The following KCTD10 variants were observed in gnomAD, a reference collection of about 807,000 sequenced individuals.
KCTD10 encodes potassium channel tetramerization domain containing 10, also known as BTB/POZ domain-containing adapter for CUL3-mediated RhoA degradation protein 3.
A neutral mutation model predicts 34.6 loss-of-function variants in KCTD10; 13 were observed. The observed-to-expected ratio is 0.38, with a 90% CI of 0.24 to 0.60. The LOEUF is 0.60. Ranked by LOEUF, KCTD10 falls within the 20% of genes least tolerant of loss-of-function variation. The pLI, the probability that KCTD10 is intolerant of heterozygous loss-of-function variation, is 0.66. For synonymous variants in KCTD10, 156 were observed against 168.8 expected, an observed-to-expected ratio of 0.92 and a Z score of 0.59; for missense variants, 256 against 420.3, an observed-to-expected ratio of 0.61 and a Z score of 3.42.
Position 109,458,096 on chromosome 12 carries a change from G to A in KCTD10, c.388-18C>T, listed in dbSNP as rs774311462. The A allele has an allele frequency of 1.2e-6, 2 of 1,606,752 alleles. No individual in the cohort carries two copies. The highest frequency in any genetic ancestry group is 1.1e-5 in the South Asian group (1 of 90,924). ...TCTTTGTTCTGCTGGAACAAAACAT[G>A]CTTTCAGCCTAGGAGGCCTGCCTAG... On this transcript the variant is annotated intron_variant, in intron 3 of 6. Coordinates refer to ENST00000228495, the MANE Select transcript of KCTD10 (RefSeq NM_031954.5).
intron 1 of KCTD10, chr12:109,470,976 A>G: frequency 3.3e-6 from 1 of 304,386 alleles, no homozygotes; most frequent in Non-Finnish European, 4.8e-6. Flanking sequence ...ACCCAACACA[A>G]GCCCACAGCC....
chr12:109,469,935 G>T, intron 1 of KCTD10: 1 of 1,262,024 alleles, frequency 7.9e-7, no homozygotes, highest in Non-Finnish European at 1.1e-6. Flanking sequence ...AACTGGGCTA[G>T]CAGGGGAACA....
At chr12:109,470,297 T>A (rs1053235991) in intron 1 of KCTD10, 3 of 985,426 alleles carry the variant, frequency 3.0e-6, no homozygotes, top group Non-Finnish European at 3.6e-6. Context: ...TATCACTTCC[T>A]GTAGGGAGAA....
intron 5 of KCTD10, chr12:109,456,604 C>T (rs2135645546): frequency 4.5e-6 from 2 of 440,238 alleles, no homozygotes; most frequent in Non-Finnish European, 8.5e-6. Flanking sequence ...GCTTGAGTGA[C>T]AGCCTCTGGG....
intron 5 of KCTD10, 96 bp from the exon 6 acceptor site, chr12:109,456,409 T>C: frequency 1.0e-6 from 1 of 983,080 alleles, no homozygotes; most frequent in Non-Finnish European, 1.6e-6. Context: ...GAGCCCACTT[T>C]CTCCACTACC....
At chr12:109,467,120 C>T (rs1476373079) in intron 2 of KCTD10, among the ~76,000 whole-genome samples, 1 of 152,264 alleles carries the variant, frequency 6.6e-6, no homozygotes, top group South Asian at 2.1e-4. Context: ...GGATGCCACA[C>T]TCAAATGATC....
chr12:109,460,767 T>C lies in KCTD10; in HGVS notation c.256A>G (p.Thr86Ala). ...CCGTCTCGAAGGTAGTTGAGTATCG[T>C]ACCAAAGTGCTTCCCACAGCGGTCA... The part of the protein sequence containing the change: ...LIDRCGKHFG[T>A]ILNYLRDGAV... Residue 86 changes from threonine (T) to alanine (A), a missense_variant, in exon 3 of 7, where the codon ACG becomes GCG. Thr to Ala is a moderately conservative substitution (Grantham distance 58). Coordinates refer to ENST00000228495, the MANE Select transcript of KCTD10 (RefSeq NM_031954.5). This position sits in a 1 kb window ranked among gnomAD's most constrained non-coding sequence, Gnocchi z 4.5. 1 of 1,614,164 alleles carries C rather than the reference T, an allele frequency of 6.2e-7. No homozygotes were observed. The highest frequency in any genetic ancestry group is 8.5e-7 in the Non-Finnish European group (1 of 1,180,010).
At chr12:109,469,838 G>A in intron 1 of KCTD10, 110 bp from the exon 2 acceptor site, 1 of 1,481,746 alleles carries the variant, frequency 6.7e-7, no homozygotes, top group South Asian at 1.4e-5. Context: ...CGCATACACA[G>A]CATTTAAAAG....
intron 5 of KCTD10, 84 bp downstream of exon 5, chr12:109,457,546 A>C: frequency 3.5e-6 from 4 of 1,151,092 alleles, no homozygotes; most frequent in South Asian, 1.2e-5. Context: ...CCTCATCTGA[A>C]GGTACGAAGA....
intron 6 of KCTD10, among the ~76,000 whole-genome samples, chr12:109,452,731 C>T (rs1405420332): frequency 6.6e-6 from 1 of 152,144 alleles, no homozygotes; most frequent in Non-Finnish European, 1.5e-5. Flanking sequence ...CTGATGCAGC[C>T]TGAAACCCTG....
In KCTD10 at chr12:109,450,677, A is replaced by G. The variant is rs73194269; in HGVS notation, c.*918T>C. 18,457 of 270,076 alleles carry G rather than the reference A, an allele frequency of 0.068. 750 individuals are homozygous for G. The highest frequency in any genetic ancestry group is 0.094 in the African/African-American group (4,272 of 45,426). The allele number at this position is 270,076 out of a possible 1,614,324, so 16.7% of individuals were successfully genotyped here. A position where few individuals can be genotyped will look rare whatever the true frequency, so the allele number is the denominator to read the frequency against. ...AGTTAGCCCAGCTTCATGGGGAAGG[A>G]GGCTGAAGAGGAGCGGGATCCCAGG... On this transcript the variant is annotated 3_prime_UTR_variant, in exon 7 of 7. Coordinates refer to ENST00000228495, the MANE Select transcript of KCTD10 (RefSeq NM_031954.5).
intron 1 of KCTD10, among the ~76,000 whole-genome samples, chr12:109,473,927 A>G (rs1874021446): frequency 6.6e-6 from 1 of 152,072 alleles, no homozygotes; most frequent in Admixed American, 6.5e-5. Flanking sequence ...GATTACAGGC[A>G]TGCACCACCA....
In KCTD10 at chr12:109,469,742, G is replaced by C; in HGVS notation, c.4-14C>G. 1 of 1,613,830 alleles carries C rather than the reference G, an allele frequency of 6.2e-7. No individual in the cohort carries two copies. The highest frequency in any genetic ancestry group is 8.5e-7 in the Non-Finnish European group (1 of 1,179,834). ...TGACATCTCTTCCTGCCAGTGGAGA[G>C]GATACAGGGTCATGACATCAGGCCT... On this transcript the variant is annotated splice_polypyrimidine_tract_variant and intron_variant, in intron 1 of 6. Transcript: ENST00000228495.
Position 109,460,380 on chromosome 12 carries a change from G to T in KCTD10, c.387+256C>A. Reference sequence around the variant, plus strand: ...CACACCGCGGGGTTCTCTGCTGAAGGGTTGAGATGTACACATGAGAAGATC... The same window carrying T: ...CACACCGCGGGGTTCTCTGCTGAAGTGTTGAGATGTACACATGAGAAGATC... On this transcript the variant is annotated intron_variant, in intron 3 of 6. Transcript: ENST00000228495. The surrounding 1 kb of genome is among the most constrained non-coding windows in gnomAD (Gnocchi z 4.5). 4.3e-6 allele frequency: 2 copies of T among 469,852 alleles called. No individual in the cohort carries two copies. The highest frequency in any genetic ancestry group is 7.7e-6 in the Non-Finnish European group (2 of 259,666). The allele number at this position is 469,852 out of a possible 1,614,324, so 29.1% of individuals were successfully genotyped here. A position where few individuals can be genotyped will look rare whatever the true frequency, so the allele number is the denominator to read the frequency against.
chr12:109,471,131 C>T, intron 1 of KCTD10: 1 of 985,440 alleles, frequency 1.0e-6, no homozygotes, highest in South Asian at 4.7e-5. Flanking sequence ...TTCCCTGAAA[C>T]TGAAAAAGAA....
At chr12:109,457,933 G>A in intron 4 of KCTD10, 59 bp downstream of exon 4, 3 of 1,384,424 alleles carry the variant, frequency 2.2e-6, no homozygotes, top group Non-Finnish European at 3.1e-6. Flanking sequence ...AAGTTATTCA[G>A]AAGAACCTCC....
At chr12:109,468,893 C>T (rs2135675909) in intron 2 of KCTD10, among the ~76,000 whole-genome samples, 1 of 152,220 alleles carries the variant, frequency 6.6e-6, no homozygotes, top group African/African-American at 2.4e-5. Context: ...ACCTCGTGAT[C>T]CGCCCGCCTC....
At position 109,450,764 on chromosome 12, in the gene KCTD10, G is replaced by C. The variant is rs185247574; in HGVS notation, c.*831C>G. ...AGATGGCCTTCCTGGAGTGGAGTCGGGTCAATCAGGAGAACAACTGGACGG... is the reference window on the plus strand; with the variant it reads ...AGATGGCCTTCCTGGAGTGGAGTCGCGTCAATCAGGAGAACAACTGGACGG... On this transcript the variant is annotated 3_prime_UTR_variant, in exon 7 of 7. Coordinates refer to ENST00000228495, the MANE Select transcript of KCTD10 (RefSeq NM_031954.5). 2.6e-3 allele frequency: 427 copies of C among 165,716 alleles called. 4 individuals are homozygous for C. The highest frequency in any genetic ancestry group is 9.8e-3 in the African/African-American group (414 of 42,120). The allele number at this position is 165,716 out of a possible 1,614,324, so 10.3% of individuals were successfully genotyped here. A position where few individuals can be genotyped will look rare whatever the true frequency, so the allele number is the denominator to read the frequency against.
chr12:109,451,657 TCCGCTC>T lies in KCTD10; in HGVS notation c.874_879del (p.Glu292_Arg293del). On this transcript the variant is annotated inframe_deletion, in exon 7 of 7. Transcript: ENST00000228495. This position sits in a 1 kb window ranked among gnomAD's most constrained non-coding sequence, Gnocchi z 5.0. ...ATGTGGATCCTCCGCACGCGCTCGATCCGCTCCCGCTCCTCGTCCTCGTCCAGGTGG... is the reference window on the plus strand; with the variant it reads ...ATGTGGATCCTCCGCACGCGCTCGATCCGCTCCTCGTCCTCGTCCAGGTGG... 1 of 1,613,306 alleles carries T rather than the reference TCCGCTC, an allele frequency of 6.2e-7. No individual in the cohort carries two copies. The highest frequency in any genetic ancestry group is 8.5e-7 in the Non-Finnish European group (1 of 1,179,846).
Sources: gnomAD v4.1 joint callset for allele counts (sites outside exome capture counted in the v4.1 genomes callset) on GRCh38, gnomAD v4.1.1 for gene constraint, Gnocchi (gnomAD v3.1) non-coding constraint, MANE v1.5 for transcripts, NCBI Gene and HGNC (gene_info 2026-07-23, HGNC 2026-07-21) for gene names.